The following ZCCHC14 variants were observed in gnomAD, a reference collection of about 807,000 sequenced individuals.
ZCCHC14 encodes the protein zinc finger CCHC-type containing 14.
A neutral mutation model predicts 85.0 loss-of-function variants in ZCCHC14; 16 were observed. The observed-to-expected ratio is 0.19, with a 90% confidence interval of 0.13 to 0.29. ZCCHC14 has a LOEUF of 0.29. ZCCHC14 is among the 10% of genes least tolerant of loss of function. The pLI is 1.00. For missense variants in ZCCHC14, 1,303 were observed against 1,443.5 expected (o/e 0.90, Z 1.58); for synonymous variants, 775 against 630.7 (o/e 1.23, Z -3.43).
intron 10 of ZCCHC14, 100 bp from the exon 11 acceptor site, chr16:87,413,295 G>C (rs1185250200): frequency 4.2e-6 from 6 of 1,414,904 alleles, no homozygotes; most frequent in African/African-American, 1.4e-5. Context: ...GCTCCTTCCA[G>C]GGAAACGCAG....
Position 87,411,599 on chromosome 16 carries a change from C to T in ZCCHC14, c.3122G>A (p.Gly1041Glu). ...SSNGSSHKKS[G>E]NLSCYNCGAT... ...CCCGCAGTTGTAACAAGATAGGTTC[C>T]CGCTCTTTTTGTGACTGGAACCATT... is the stretch of plus-strand genomic sequence containing the variant. Residue 1041 changes from glycine (G) to glutamate (E), a missense_variant, in exon 12 of 13, where the codon GGG becomes GAG. Around this residue, in one of 7 missense-constraint regions of ZCCHC14, gnomAD observed 797 missense variants for 730.8 expected, o/e 1.09. Transcript: ENST00000671377. The T allele has an allele frequency of 6.2e-7, 1 of 1,613,902 alleles. No homozygotes were observed. Among genetic ancestry groups the T allele is most frequent in the Non-Finnish European group, 8.5e-7 (1 of 1,180,022 alleles).
intron 2 of ZCCHC14, among the ~76,000 whole-genome samples, chr16:87,452,542 GAC>G (rs1022331058): frequency 1.3e-5 from 2 of 152,052 alleles, no homozygotes; most frequent in African/African-American, 4.8e-5. Context: ...GCCTTTGAGG[GAC>G]ACAAGAAGAG....
chr16:87,479,323 G>A (rs1459469664), intron 1 of ZCCHC14, among the ~76,000 whole-genome samples: 1 of 151,890 alleles, frequency 6.6e-6, no homozygotes, highest in Non-Finnish European at 1.5e-5. Flanking sequence ...GGCTGAGGCA[G>A]GAGAGTCGCT....
intron 2 of ZCCHC14, among the ~76,000 whole-genome samples, chr16:87,434,467 G>A (rs918196254): frequency 1.3e-5 from 2 of 152,306 alleles, no homozygotes; most frequent in African/African-American, 4.8e-5. Context: ...GCCTTCGCTG[G>A]GTCTGGAGGC....
At position 87,492,283 on chromosome 16, in the gene ZCCHC14, G is replaced by T; in HGVS notation, c.-45C>A. 1.0e-6 allele frequency: 1 copy of T among 970,244 alleles called. No homozygotes were observed. Among genetic ancestry groups the T allele is most frequent in the Non-Finnish European group, 1.2e-6 (1 of 819,844 alleles). 60.1% of individuals were successfully genotyped at this position (970,244 alleles called of 1,614,324 possible). ...CGCGACCCGGGGCCGGGGACCGCGCGGGGGCGGCCGGGGGGCGCCGGGGGC... is the reference window on the plus strand; with the variant it reads ...CGCGACCCGGGGCCGGGGACCGCGCTGGGGCGGCCGGGGGGCGCCGGGGGC... On this transcript the variant is annotated 5_prime_UTR_variant, in exon 1 of 13. Transcript: ENST00000671377. The surrounding 1 kb of genome is among the most constrained non-coding windows in gnomAD (Gnocchi z 6.7).
chr16:87,472,420 G>A (rs76025482), intron 1 of ZCCHC14: 2,569 of 152,446 alleles, frequency 0.017, 28 homozygotes, highest in Middle Eastern at 0.047. Context: ...GGCTGGCACC[G>A]TGCACCGAGG....
rs112441436 is a variant in ZCCHC14 at position 87,418,924 on chromosome 16, C to A, written c.1046-23G>T. 5.1e-6 allele frequency: 8 copies of A among 1,571,564 alleles called. No homozygotes were observed. The African/African-American group carries it at 5.5e-5, about 11-fold the overall frequency. ...GACCTATAAATTTAAAAATAAATAC[C>A]ATAAAAATTTACAGACAATGAAAAT... On this transcript the variant is annotated intron_variant, in intron 6 of 12. Coordinates refer to ENST00000671377, the MANE Select transcript of ZCCHC14 (RefSeq NM_015144.3).
intron 3 of ZCCHC14, among the ~76,000 whole-genome samples, chr16:87,424,680 TGA>T (rs1253207064): frequency 6.6e-6 from 1 of 152,090 alleles, no homozygotes; most frequent in Non-Finnish European, 1.5e-5. Context: ...CAAAGCTGAC[TGA>T]GGGGGAAGGA....
At chr16:87,418,945 A>C in intron 6 of ZCCHC14, 44 bp from the exon 7 acceptor site, 2 of 1,501,322 alleles carry the variant, frequency 1.3e-6, no homozygotes, top group Admixed American at 1.8e-5. Flanking sequence ...ACAGACAATG[A>C]AAATATTTGT....
chr16:87,444,155 A>C (rs1171803330), intron 2 of ZCCHC14, among the ~76,000 whole-genome samples: 1 of 152,128 alleles, frequency 6.6e-6, no homozygotes, highest in Non-Finnish European at 1.5e-5. Flanking sequence ...CAGGGCACAC[A>C]CAGCATCAGA....
intron 2 of ZCCHC14, among the ~76,000 whole-genome samples, 174 bp downstream of exon 2, chr16:87,459,834 G>C (rs1317911235): frequency 2.6e-5 from 4 of 152,094 alleles, no homozygotes; most frequent in Non-Finnish European, 5.9e-5. Context: ...ATCAATAATT[G>C]AGATTTTTAC....
At chr16:87,413,714 C>A (rs1400780586) in intron 10 of ZCCHC14, among the ~76,000 whole-genome samples, 4 of 151,924 alleles carry the variant, frequency 2.6e-5, no homozygotes, top group African/African-American at 9.7e-5. Context: ...ATCGCTGAGA[C>A]TGAGGGTCCC....
rs1004742769 is a variant in ZCCHC14 at position 87,491,211 on chromosome 16, C to T, written c.570+458G>A. Among the ~76,000 whole-genome samples, 2 of 152,256 alleles carry T rather than the reference C, an allele frequency of 1.3e-5. No individual in the cohort carries two copies. Among genetic ancestry groups the T allele is most frequent in the African/African-American group, 4.8e-5 (2 of 41,476 alleles). On this transcript the variant is annotated intron_variant, in intron 1 of 12. Transcript: ENST00000671377. This position sits in a 1 kb window ranked among gnomAD's most constrained non-coding sequence, Gnocchi z 5.9. ...ACCGCGGACGTCTCCCGCACCGCTC[C>T]CGCGGATCCTCGGACCCAGGGCCCC...
At chr16:87,463,726 G>A (rs1019454248) in intron 1 of ZCCHC14, among the ~76,000 whole-genome samples, 2 of 152,228 alleles carry the variant, frequency 1.3e-5, no homozygotes, top group Non-Finnish European at 2.9e-5. Context: ...GGGAGGCTGA[G>A]GCAGGGGGAT....
chr16:87,467,883 C>T (rs894254805), intron 1 of ZCCHC14, among the ~76,000 whole-genome samples: 3 of 152,142 alleles, frequency 2.0e-5, no homozygotes, highest in African/African-American at 4.8e-5. Context: ...AATATCCTGA[C>T]GTCGTGGTCC....
chr16:87,475,396 T>TA (rs1468856815), intron 1 of ZCCHC14, among the ~76,000 whole-genome samples: 1 of 151,046 alleles, frequency 6.6e-6, no homozygotes, highest in Non-Finnish European at 1.5e-5. Context: ...TACAAAAAAA[T>TA]AAAAAAATTA....
At chr16:87,423,751 C>T (rs2150731130) in intron 4 of ZCCHC14, 59 bp downstream of exon 4, 1 of 1,584,104 alleles carries the variant, frequency 6.3e-7, no homozygotes, top group Non-Finnish European at 8.7e-7. Flanking sequence ...TCCGTGGTAT[C>T]ATCAGCCACT....
At chr16:87,466,388 G>A (rs1287831658) in intron 1 of ZCCHC14, among the ~76,000 whole-genome samples, 1 of 152,200 alleles carries the variant, frequency 6.6e-6, no homozygotes, top group Non-Finnish European at 1.5e-5. Flanking sequence ...CAGAAGACTC[G>A]CTGCACCCCA....
intron 1 of ZCCHC14, among the ~76,000 whole-genome samples, chr16:87,479,969 T>C (rs1207575786): frequency 2.6e-5 from 4 of 151,620 alleles, no homozygotes; most frequent in Admixed American, 2.6e-4. Flanking sequence ...AGAGATGGGG[T>C]TTCGCCATGT....
Sources: gnomAD v4.1 joint callset for allele counts (sites outside exome capture counted in the v4.1 genomes callset) on GRCh38, gnomAD v4.1.1 for gene constraint, gnomAD v4.1.1 regional missense constraint, Gnocchi (gnomAD v3.1) non-coding constraint, MANE v1.5 for transcripts, NCBI Gene and HGNC (gene_info 2026-07-23, HGNC 2026-07-21) for gene names.